The following GATB variants were observed in gnomAD, a reference collection of about 807,000 sequenced individuals.
GATB encodes glutamyl-tRNA amidotransferase subunit B.
In GATB, 39 loss-of-function variants were observed where a neutral mutation model predicts 62.3. The ratio of observed to expected loss-of-function variants is 0.63; its 90% confidence interval spans 0.48 to 0.82. GATB has a LOEUF of 0.82. GATB is among the 40% of genes least tolerant of loss of function. GATB has a pLI of 0.00. For synonymous variants in GATB, 276 were observed against 258.9 expected (o/e 1.07, Z -0.63); for missense variants, 670 against 684.0 (o/e 0.98, Z 0.23).
chr4:151,743,196 A>C (rs1739529572), intron 2 of GATB, among the ~76,000 whole-genome samples: 1 of 152,256 alleles, frequency 6.6e-6, no homozygotes, highest in South Asian at 2.1e-4. Flanking sequence ...CGTGATCAAC[A>C]TACAGCTAAG....
chr4:151,712,571 G>C (rs1434798432), intron 5 of GATB, among the ~76,000 whole-genome samples: 2 of 152,118 alleles, frequency 1.3e-5, no homozygotes, highest in African/African-American at 4.8e-5. Flanking sequence ...AACAGCAGGG[G>C]CCCAAAGATG....
chr4:151,688,422 G>A (rs573495761), intron 10 of GATB, among the ~76,000 whole-genome samples: 1 of 152,198 alleles, frequency 6.6e-6, no homozygotes, highest in Non-Finnish European at 1.5e-5. Context: ...AGAGGACACA[G>A]TGCACAGTCA....
At chr4:151,754,928 T>C (rs895695042) in intron 2 of GATB, among the ~76,000 whole-genome samples, 1 of 152,240 alleles carries the variant, frequency 6.6e-6, no homozygotes, top group African/African-American at 2.4e-5. Flanking sequence ...TTGTTATGTG[T>C]AGCATTTACT....
At chr4:151,719,601 C>T (rs1193290700) in intron 2 of GATB, 63 bp from the exon 3 acceptor site, 10 of 1,104,182 alleles carry the variant, frequency 9.1e-6, no homozygotes, top group Non-Finnish European at 1.3e-6. Context: ...TTCTCCCACA[C>T]ACTGACATCC....
Position 151,672,899 on chromosome 4 carries a change from A to G in GATB, c.1411-3T>C, listed in dbSNP as rs1341795840. On this transcript the variant is annotated splice_polypyrimidine_tract_variant and splice_region_variant and intron_variant, in intron 11 of 12. Transcript: ENST00000263985. ...CTCTTCCACAGTTCCTCAAACACCT[A>G]TGGACCAGAGAAGGGAGAGGAAAGA... 6.2e-6 allele frequency: 10 copies of G among 1,613,942 alleles called. No individual in the cohort carries two copies. In the Admixed American group the frequency reaches 1.3e-4, roughly 22 times the overall value.
intron 5 of GATB, among the ~76,000 whole-genome samples, chr4:151,712,305 T>G (rs188873773): frequency 6.6e-6 from 1 of 152,154 alleles, no homozygotes; most frequent in Non-Finnish European, 1.5e-5. Context: ...TTAAGTTAAA[T>G]TGCCTCAAGT....
intron 7 of GATB, 82 bp from the exon 8 acceptor site, chr4:151,703,977 T>A (rs1372600374): frequency 1.1e-6 from 1 of 893,420 alleles, no homozygotes; most frequent in African/African-American, 1.7e-5. Flanking sequence ...CCCCTACCAA[T>A]AAGGGGCACA....
chr4:151,742,544 T>C (rs546295554), intron 2 of GATB, among the ~76,000 whole-genome samples: 1 of 152,118 alleles, frequency 6.6e-6, no homozygotes, highest in Non-Finnish European at 1.5e-5. Flanking sequence ...AGATTATAGA[T>C]TTTGGTGGGT....
chr4:151,756,306 G>A (rs924723631), intron 2 of GATB, among the ~76,000 whole-genome samples: 2 of 152,160 alleles, frequency 1.3e-5, no homozygotes, highest in African/African-American at 4.8e-5. Flanking sequence ...AGCAGAGTCT[G>A]GCTATCAGAG....
chr4:151,677,431 G>C (rs926918364), intron 11 of GATB: 1 of 152,112 alleles, frequency 6.6e-6, no homozygotes, highest in Non-Finnish European at 1.5e-5. Context: ...CACACTAACA[G>C]GTGAGACTGT....
intron 6 of GATB, among the ~76,000 whole-genome samples, chr4:151,705,765 C>G (rs1445391172): frequency 6.6e-6 from 1 of 152,234 alleles, no homozygotes; most frequent in Non-Finnish European, 1.5e-5. Context: ...TCCAAGGACC[C>G]ATGCCTCAGC....
Position 151,670,815 on chromosome 4 carries a change from G to A in GATB, c.*359C>T, listed in dbSNP as rs1737839701. The A allele has an allele frequency of 5.4e-6, 1 of 183,574 alleles. No individual in the cohort carries two copies. Among genetic ancestry groups the A allele is most frequent in the Admixed American group, 5.7e-5 (1 of 17,696 alleles). 11.4% of individuals were successfully genotyped at this position (183,574 alleles called of 1,614,324 possible). A position where few individuals can be genotyped will look rare whatever the true frequency, so the allele number is the denominator to read the frequency against. On this transcript the variant is annotated 3_prime_UTR_variant, in exon 13 of 13. Coordinates refer to ENST00000263985, the MANE Select transcript of GATB (RefSeq NM_004564.3). ...GAGTTGCTCAAAAATATTTGTTGAA[G>A]GAACTGCAGAATGAAAAGTTTTCTT...
chr4:151,727,748 G>C (rs541771116), intron 2 of GATB, among the ~76,000 whole-genome samples: 7 of 152,268 alleles, frequency 4.6e-5, no homozygotes, highest in African/African-American at 1.7e-4. Context: ...GTTTAGGGAA[G>C]AATAGTTATT....
chr4:151,692,091 G>C (rs1738376897), intron 9 of GATB, among the ~76,000 whole-genome samples: 1 of 152,190 alleles, frequency 6.6e-6, no homozygotes, highest in Non-Finnish European at 1.5e-5. Context: ...GCGGTGATGG[G>C]CGCCAGGCAC....
In GATB at chr4:151,670,679, G is replaced by C. The variant is rs910041658; in HGVS notation, c.*495C>G. 2.0e-5 allele frequency: 3 copies of C among 152,958 alleles called. No individual in the cohort carries two copies. The highest frequency in any genetic ancestry group is 2.1e-4 in the South Asian group (1 of 4,870). 9.5% of individuals were successfully genotyped at this position (152,958 alleles called of 1,614,324 possible). On this transcript the variant is annotated 3_prime_UTR_variant, in exon 13 of 13. Coordinates refer to ENST00000263985, the MANE Select transcript of GATB (RefSeq NM_004564.3). ...TGTTTATACTGTGCCAGTTTATTTG[G>C]TTGTATTTTCATCTTTGTTAACCTG... is the stretch of plus-strand genomic sequence containing the variant.
At chr4:151,715,984 AG>A in intron 5 of GATB, 24 bp downstream of exon 5, 1 of 1,611,062 alleles carries the variant, frequency 6.2e-7, no homozygotes, top group Non-Finnish European at 8.5e-7. Flanking sequence ...GAGGGAAAGA[AG>A]AATACTGCTT....
intron 2 of GATB, among the ~76,000 whole-genome samples, chr4:151,738,642 T>A (rs945861167): frequency 6.6e-6 from 1 of 152,250 alleles, no homozygotes; most frequent in African/African-American, 2.4e-5. Context: ...CTTTCACATA[T>A]ATTAACTTCT....
intron 5 of GATB, among the ~76,000 whole-genome samples, chr4:151,709,472 A>G (rs1299455443): frequency 6.6e-6 from 1 of 152,168 alleles, no homozygotes; most frequent in African/African-American, 2.4e-5. Flanking sequence ...TCTGCATCTC[A>G]GGAAGTCCCA....
Position 151,715,989 on chromosome 4 carries a change from A to G in GATB, c.763+20T>C. On this transcript the variant is annotated intron_variant, in intron 5 of 12. Transcript: ENST00000263985. ...CAGGAAGGGAGAGGGAAAGAAGAATACTGCTTCTGTGGCTTCTACCTGCCA... is the reference window on the plus strand; with the variant it reads ...CAGGAAGGGAGAGGGAAAGAAGAATGCTGCTTCTGTGGCTTCTACCTGCCA... 1 of 1,611,696 alleles carries G rather than the reference A, an allele frequency of 6.2e-7. No homozygotes were observed. The highest frequency in any genetic ancestry group is 8.5e-7 in the Non-Finnish European group (1 of 1,178,810).
Sources: allele counts gnomAD v4.1 joint callset (sites outside exome capture counted in the v4.1 genomes callset), GRCh38; gene constraint gnomAD v4.1.1; transcripts MANE v1.5; gene names NCBI Gene and HGNC (gene_info 2026-07-23, HGNC 2026-07-21).